SHPK: variants seen among roughly 807,000 people sequenced by gnomAD.
The protein encoded by SHPK is sedoheptulokinase.
In SHPK, 51 loss-of-function variants were observed where a neutral mutation model predicts 46.3. That is an observed-to-expected ratio of 1.10 (90% CI 0.88 to 1.39). The LOEUF is 1.39. Ranked by LOEUF, SHPK falls within the 40% of genes most tolerant of loss-of-function variation. The pLI, the probability that SHPK is intolerant of heterozygous loss-of-function variation, is 0.00. For synonymous variants in SHPK, 290 were observed against 273.9 expected (o/e 1.06, Z -0.58); for missense variants, 668 against 641.3 (o/e 1.04, Z -0.45).
rs774809474 is a variant in SHPK at position 3,610,824 on chromosome 17, G to A, written c.1173C>T (p.Ser391=). The A allele has an allele frequency of 1.4e-5, 22 of 1,614,034 alleles. No individual in the cohort carries two copies. Among genetic ancestry groups the A allele is most frequent in the South Asian group, 5.5e-5 (5 of 91,080 alleles). Residue 391 remains serine (S), a synonymous_variant, in exon 7 of 7, where the codon TCC becomes TCT. Coordinates refer to ENST00000225519, the MANE Select transcript of SHPK (RefSeq NM_013276.4). The part of the protein sequence containing the change: ...QLASVTRISS[S]DLSLGHVTRA... The stretch of plus-strand genomic sequence containing the variant: ...GGGTCACGTGCCCCAGGGAGAGGTC[G>A]GAGGAGGAGATTCTGGTCACTGAGG...
At chr17:3,634,587 A>G (rs2075495489) in intron 1 of SHPK, among the ~76,000 whole-genome samples, 1 of 151,330 alleles carries the variant, frequency 6.6e-6, no homozygotes, top group African/African-American at 2.4e-5. Context: ...AAAAAAAAAA[A>G]AAAAAAGAAG....
chr17:3,624,639 G>C (rs1045766890), intron 2 of SHPK, among the ~76,000 whole-genome samples: 1 of 151,836 alleles, frequency 6.6e-6, no homozygotes, highest in African/African-American at 2.4e-5. Flanking sequence ...AGCTGATTGC[G>C]TTTTATTTTA....
At chr17:3,617,525 A>G (rs989373529) in intron 5 of SHPK, among the ~76,000 whole-genome samples, 1 of 152,202 alleles carries the variant, frequency 6.6e-6, no homozygotes, top group African/African-American at 2.4e-5. Flanking sequence ...TTCCAGGAAG[A>G]CAGAAAATAA....
At position 3,621,227 on chromosome 17, in the gene SHPK, A is replaced by G; in HGVS notation, c.823+10T>C. ...TGTAAGTCTGAGGACAGAACAAAAGAAAAACTTACCTGCATCTGTCCTCTG... is the reference window on the plus strand; with the variant it reads ...TGTAAGTCTGAGGACAGAACAAAAGGAAAACTTACCTGCATCTGTCCTCTG... On this transcript the variant is annotated intron_variant, in intron 5 of 6. Coordinates refer to ENST00000225519, the MANE Select transcript of SHPK (RefSeq NM_013276.4). 1 of 1,596,798 alleles carries G rather than the reference A, an allele frequency of 6.3e-7. No individual in the cohort carries two copies. Among genetic ancestry groups the G allele is most frequent in the Non-Finnish European group, 8.5e-7 (1 of 1,171,764 alleles).
chr17:3,623,940 A>T, intron 3 of SHPK, 108 bp downstream of exon 3: 1 of 1,099,464 alleles, frequency 9.1e-7, no homozygotes, highest in East Asian at 2.4e-5. Context: ...CTGCCAGGAC[A>T]CACTCACTGC....
chr17:3,623,916 T>C lies in SHPK; in HGVS notation c.494+132A>G. 6 of 881,076 alleles carry C rather than the reference T, an allele frequency of 6.8e-6. No individual in the cohort carries two copies. The South Asian group carries it at 1.0e-4, about 15-fold the overall frequency. 54.6% of individuals were successfully genotyped at this position (881,076 alleles called of 1,614,324 possible). On this transcript the variant is annotated intron_variant, in intron 3 of 6. Transcript: ENST00000225519. Reference sequence around the variant, plus strand: ...CTGGACCCAATCGAGGTCCAGGCCATGCTGCATCCTGTCCTGCCAGGACAC... The same window carrying C: ...CTGGACCCAATCGAGGTCCAGGCCACGCTGCATCCTGTCCTGCCAGGACAC...
At chr17:3,623,967 C>A in intron 3 of SHPK, 81 bp downstream of exon 3, 1 of 1,354,244 alleles carries the variant, frequency 7.4e-7, no homozygotes, top group Non-Finnish European at 1.0e-6. Context: ...GCCCAGCAGG[C>A]GGGGTGATGC....
chr17:3,616,797 G>A (rs1234955875), intron 5 of SHPK, among the ~76,000 whole-genome samples: 1 of 152,172 alleles, frequency 6.6e-6, no homozygotes, highest in African/African-American at 2.4e-5. Flanking sequence ...GGAGTGCAAT[G>A]GCGCGATCTT....
At chr17:3,621,196 C>T (rs2075398111) in intron 5 of SHPK, 41 bp downstream of exon 5, 4 of 1,516,282 alleles carry the variant, frequency 2.6e-6, no homozygotes, top group Non-Finnish European at 3.6e-6. Flanking sequence ...ATGAGGCAGG[C>T]GACAGTGTAA....
intron 1 of SHPK, among the ~76,000 whole-genome samples, chr17:3,634,934 G>A (rs555115795): frequency 2.3e-4 from 35 of 151,978 alleles, no homozygotes; most frequent in Admixed American, 5.2e-4. Context: ...CACTTTGGGA[G>A]GCTGAAGTGG....
At chr17:3,630,386 C>T (rs754514679) in intron 1 of SHPK, 40 bp from the exon 2 acceptor site, 2 of 1,572,636 alleles carry the variant, frequency 1.3e-6, no homozygotes, top group Non-Finnish European at 1.7e-6. Flanking sequence ...GGCAGACACA[C>T]AGGCAGGGGG....
At chr17:3,635,193 T>TGAAGGAAGGAAGAAAGGAAG (rs746755300) in intron 1 of SHPK, among the ~76,000 whole-genome samples, 8,303 of 60,316 alleles carry the variant, frequency 0.14, 1,306 homozygotes, top group Middle Eastern at 0.16. Flanking sequence ...AAGGAAAGAA[T>TGAAGGAAGGAAGAAAGGAAG]GAAGGAAGGA....
chr17:3,619,447 C>T lies in SHPK; in HGVS notation c.823+1790G>A, dbSNP rs114085549. 5,396 of 1,380,834 alleles carry T rather than the reference C, an allele frequency of 3.9e-3. 30 individuals are homozygous for T. The highest frequency in any genetic ancestry group is 0.014 in the African/African-American group (990 of 70,116). The allele number at this position is 1,380,834 out of a possible 1,614,324, so 85.5% of individuals were successfully genotyped here. A position where few individuals can be genotyped will look rare whatever the true frequency, so the allele number is the denominator to read the frequency against. On this transcript the variant is annotated intron_variant, in intron 5 of 6. Coordinates refer to ENST00000225519, the MANE Select transcript of SHPK (RefSeq NM_013276.4). ...CCAAATGCCTGATTAAAAATTTGGA[C>T]GGAGAGGCCGGGCACGATGGCTCAC...
intron 2 of SHPK, among the ~76,000 whole-genome samples, chr17:3,629,636 G>A (rs9892794): frequency 0.066 from 9,980 of 151,342 alleles, 370 homozygotes; most frequent in African/African-American, 0.083. Flanking sequence ...GCTGAGGCAG[G>A]AAGACCACTT....
intron 1 of SHPK, 138 bp downstream of exon 1, chr17:3,635,914 G>T: frequency 1.2e-6 from 1 of 858,236 alleles, no homozygotes; most frequent in Non-Finnish European, 1.7e-6. Flanking sequence ...GCTGCAGGCA[G>T]ACGGGCCCCT....
intron 5 of SHPK, chr17:3,619,326 C>T (rs984374135): frequency 8.0e-6 from 9 of 1,120,804 alleles, no homozygotes; most frequent in African/African-American, 3.1e-5. Flanking sequence ...ACCACAGTTA[C>T]GTGAGGTGAG....
chr17:3,621,499 T>C lies in SHPK; in HGVS notation c.648-87A>G, dbSNP rs1597572144. 3.2e-6 allele frequency: 4 copies of C among 1,231,000 alleles called. No homozygotes were observed. The East Asian group carries it at 9.8e-5, about 30-fold the overall frequency. 76.3% of individuals were successfully genotyped at this position (1,231,000 alleles called of 1,614,324 possible). On this transcript the variant is annotated intron_variant, in intron 4 of 6. Transcript: ENST00000225519. ...CCTTCCTTCCTTCCTCCCTTCCTTC[T>C]CTCCATTCCTCCCTCCCTTCTTCCT...
intron 2 of SHPK, among the ~76,000 whole-genome samples, chr17:3,625,575 C>G (rs1436923286): frequency 6.6e-6 from 1 of 152,138 alleles, no homozygotes; most frequent in Non-Finnish European, 1.5e-5. Context: ...GCCACCGTGA[C>G]CCCCTGGACC....
chr17:3,613,660 C>T (rs769248057), intron 6 of SHPK, among the ~76,000 whole-genome samples: 5 of 152,110 alleles, frequency 3.3e-5, no homozygotes, highest in Admixed American at 6.6e-5. Context: ...TGAGCCACCG[C>T]GCCTGGCTAT....
Sources: allele counts gnomAD v4.1 joint callset (sites outside exome capture counted in the v4.1 genomes callset), GRCh38; gene constraint gnomAD v4.1.1; transcripts MANE v1.5; gene names NCBI Gene and HGNC (gene_info 2026-07-23, HGNC 2026-07-21).